The following CNTNAP3 variants were observed in gnomAD, a reference collection of about 807,000 sequenced individuals.
The protein encoded by CNTNAP3 is contactin-associated protein-like 3.
CNTNAP3 carries 36 observed loss-of-function variants against 92.1 expected under a neutral mutation model. The ratio of observed to expected loss-of-function variants is 0.39; its 90% CI spans 0.30 to 0.52. The LOEUF (loss-of-function observed/expected upper bound fraction) is 0.52. Among genes scored for constraint, CNTNAP3 ranks in the 20% least tolerant of loss-of-function variants. CNTNAP3 has a pLI of 0.76. For missense variants in CNTNAP3, 534 were observed against 1,069.6 expected, an observed-to-expected ratio of 0.50 and a Z score of 6.98; for synonymous variants, 232 against 422.3, an observed-to-expected ratio of 0.55 and a Z score of 5.53.
At position 39,067,813 on chromosome 9, in the gene CNTNAP3, GGCC is replaced by G. The variant is rs1825542389; in HGVS notation, c.*6074_*6076del. On this transcript the variant is annotated 3_prime_UTR_variant, in exon 24 of 24. Coordinates refer to ENST00000297668, the MANE Select transcript of CNTNAP3 (RefSeq NM_033655.5). ...AAATCTTTGAAGATTTGTTCAGTGG[GGCC>G]GCCATAGTAATACATGGTCTAGGAC... 6.6e-6 allele frequency among the ~76,000 whole-genome samples: 1 copy of G among 152,312 alleles called. No individual in the cohort carries two copies. The highest frequency in any genetic ancestry group is 2.4e-5 in the African/African-American group (1 of 41,488).
At chr9:39,076,696 T>G (rs1268120594) in intron 23 of CNTNAP3, among the ~76,000 whole-genome samples, 1 of 152,310 alleles carries the variant, frequency 6.6e-6, no homozygotes, top group Non-Finnish European at 1.5e-5. Flanking sequence ...CGGCCGGGCA[T>G]GGTGGCTCAT....
intron 23 of CNTNAP3, among the ~76,000 whole-genome samples, chr9:39,075,608 C>A (rs1426122954): frequency 6.6e-6 from 1 of 152,296 alleles, no homozygotes. Context: ...TTACCGGAGA[C>A]CATTCTTACC....
chr9:39,089,965 AG>A (rs1376900982), intron 18 of CNTNAP3, among the ~76,000 whole-genome samples: 3 of 152,102 alleles, frequency 2.0e-5, no homozygotes, highest in African/African-American at 7.2e-5. Flanking sequence ...CTTGAGACAG[AG>A]TCTCGCTCTG....
chr9:39,158,167 G>C (rs113460442), intron 9 of CNTNAP3, among the ~76,000 whole-genome samples: 5 of 141,200 alleles, frequency 3.5e-5, no homozygotes, highest in African/African-American at 1.4e-4. Flanking sequence ...AATAAAACCA[G>C]CACATAAAGC....
intron 21 of CNTNAP3, among the ~76,000 whole-genome samples, chr9:39,081,770 C>T (rs1385636575): frequency 6.6e-6 from 1 of 151,678 alleles, no homozygotes; most frequent in Non-Finnish European, 1.5e-5. Context: ...AGACACTAGC[C>T]ACATGTGACC....
At chr9:39,123,473 C>A (rs1473221655) in intron 13 of CNTNAP3, among the ~76,000 whole-genome samples, 1 of 151,682 alleles carries the variant, frequency 6.6e-6, no homozygotes, top group African/African-American at 2.4e-5. Flanking sequence ...AGAGTGAGAA[C>A]CAGAAGAAAT....
Position 39,149,792 on chromosome 9 carries a change from A to T in CNTNAP3, c.1649+14T>A. On this transcript the variant is annotated intron_variant, in intron 10 of 23. Transcript: ENST00000297668. Reference sequence around the variant, plus strand: ...GAAAACAGGCAAGCTAAAGTGACCTAGGATGGCCCTTACCTGTCTGTGATG... The same window carrying T: ...GAAAACAGGCAAGCTAAAGTGACCTTGGATGGCCCTTACCTGTCTGTGATG... The T allele has an allele frequency of 1.3e-6, 2 of 1,533,772 alleles. No individual in the cohort carries two copies. Among genetic ancestry groups the T allele is most frequent in the Non-Finnish European group, 1.8e-6 (2 of 1,132,634 alleles).
At chr9:39,146,220 G>C (rs1308641000) in intron 10 of CNTNAP3, among the ~76,000 whole-genome samples, 2 of 152,098 alleles carry the variant, frequency 1.3e-5, no homozygotes, top group African/African-American at 4.8e-5. Flanking sequence ...GGGAGGGCAG[G>C]AGTGGGGTCA....
chr9:39,130,335 T>C (rs1032363797), intron 13 of CNTNAP3, among the ~76,000 whole-genome samples: 1 of 151,902 alleles, frequency 6.6e-6, no homozygotes, highest in African/African-American at 2.4e-5. Context: ...ATATACACAA[T>C]TATGCAAATG....
intron 12 of CNTNAP3, among the ~76,000 whole-genome samples, chr9:39,135,973 CA>C (rs1282373025): frequency 1.3e-5 from 2 of 151,434 alleles, no homozygotes; most frequent in East Asian, 1.9e-4. Context: ...ACTAAAAATA[CA>C]AAAAATTAGC....
At chr9:39,135,579 T>G (rs1196107869) in intron 12 of CNTNAP3, among the ~76,000 whole-genome samples, 1 of 152,162 alleles carries the variant, frequency 6.6e-6, no homozygotes, top group Admixed American at 6.5e-5. Context: ...TGATTTTGAT[T>G]GGAATTAACA....
intron 14 of CNTNAP3, among the ~76,000 whole-genome samples, chr9:39,111,572 T>C (rs920113464): frequency 1.2e-4 from 18 of 152,170 alleles, no homozygotes; most frequent in African/African-American, 4.1e-4. Flanking sequence ...GCTAGAAATA[T>C]GTCTCCTGCT....
intron 9 of CNTNAP3, chr9:39,159,413 T>TATA (rs1563895878): frequency 7.8e-6 from 1 of 127,774 alleles, no homozygotes; most frequent in African/African-American, 3.1e-5. Flanking sequence ...ATATATATAT[T>TATA]TTTTTTTCCA....
At chr9:39,087,685 A>G (rs1826094021) in intron 19 of CNTNAP3, among the ~76,000 whole-genome samples, 4 of 152,016 alleles carry the variant, frequency 2.6e-5, no homozygotes, top group African/African-American at 9.7e-5. Flanking sequence ...ATGGGGTTTC[A>G]CTGTGTTAGC....
intron 8 of CNTNAP3, among the ~76,000 whole-genome samples, chr9:39,168,551 A>T (rs543705417): frequency 1.3e-4 from 7 of 54,484 alleles, no homozygotes; most frequent in African/African-American, 5.1e-4. Context: ...AAAATCTTTG[A>T]CATGTTCTTT....
intron 15 of CNTNAP3, among the ~76,000 whole-genome samples, chr9:39,104,989 T>C (rs1025407092): frequency 6.6e-6 from 1 of 152,210 alleles, no homozygotes; most frequent in South Asian, 2.1e-4. Flanking sequence ...AACACAACTT[T>C]ACCCAGTTAA....
chr9:39,096,282 T>C (rs190799604), intron 18 of CNTNAP3, among the ~76,000 whole-genome samples: 2,220 of 138,860 alleles, frequency 0.016, 372 homozygotes, highest in Non-Finnish European at 0.027. Context: ...GTGTGTAGAT[T>C]CAGATTATTG....
At chr9:39,148,810 C>T (rs1217630934) in intron 10 of CNTNAP3, among the ~76,000 whole-genome samples, 1 of 152,188 alleles carries the variant, frequency 6.6e-6, no homozygotes, top group Non-Finnish European at 1.5e-5. Context: ...CAGGCGTGAG[C>T]CACGGCGCCG....
chr9:39,066,197 C>CT lies in CNTNAP3; in HGVS notation c.*7692dup, dbSNP rs1382713259. On this transcript the variant is annotated 3_prime_UTR_variant, in exon 24 of 24. Coordinates refer to ENST00000297668, the MANE Select transcript of CNTNAP3 (RefSeq NM_033655.5). ...TACAGATGTTTTAACTTAAAGATAA[C>CT]TTGTAATAGCCAACTTTTAATAGGC... Among the ~76,000 whole-genome samples the CT allele has an allele frequency of 1.3e-5, 2 of 152,232 alleles. No homozygotes were observed. The highest frequency in any genetic ancestry group is 2.9e-5 in the Non-Finnish European group (2 of 68,034).
Sources: allele counts gnomAD v4.1 joint callset (sites outside exome capture counted in the v4.1 genomes callset), GRCh38; gene constraint gnomAD v4.1.1; transcripts MANE v1.5; gene names NCBI Gene and HGNC (gene_info 2026-07-23, HGNC 2026-07-21).